The following ATF7IP variants were observed in gnomAD, a reference collection of about 807,000 sequenced individuals.
The protein encoded by ATF7IP is activating transcription factor 7 interacting protein.
ATF7IP carries 23 observed loss-of-function variants against 106.4 expected under a neutral mutation model. The ratio of observed to expected loss-of-function variants is 0.22; its 90% confidence interval spans 0.16 to 0.31. The LOEUF (loss-of-function observed/expected upper bound fraction) is 0.31, where lower values mean the gene tolerates loss of function less well. Ranked by LOEUF, ATF7IP falls within the 10% of genes least tolerant of loss-of-function variation. ATF7IP has a pLI of 1.00. For missense variants in ATF7IP, 1,334 were observed against 1,524.3 expected (o/e 0.88, Z 2.08); for synonymous variants, 542 against 539.0 (o/e 1.01, Z -0.08).
chr12:14,434,310 G>A (rs775917225), intron 2 of ATF7IP, 27 bp from the exon 3 acceptor site: 1 of 1,330,556 alleles, frequency 7.5e-7, no homozygotes, highest in Admixed American at 1.9e-5. Context: ...GTAGAAGTAA[G>A]ATTTTCTTTT....
At chr12:14,391,096 T>C (rs1939521871) in intron 1 of ATF7IP, among the ~76,000 whole-genome samples, 2 of 152,230 alleles carry the variant, frequency 1.3e-5, no homozygotes, top group Non-Finnish European at 2.9e-5. Context: ...AGAGAAAGCC[T>C]AATGTCTATT....
rs183687986 is a variant in ATF7IP, at chr12:14,501,399, T to C, written c.*3326T>C. 1 of 152,326 alleles carries C rather than the reference T, an allele frequency of 6.6e-6. No individual in the cohort carries two copies. The allele number at this position is 152,326 out of a possible 1,614,324, so 9.4% of individuals were successfully genotyped here. ...TGGTGATGTTTATTATTCTATACTTTGCATTCTGTGAGAGTAATTTTCACT... is the reference window on the plus strand; with the variant it reads ...TGGTGATGTTTATTATTCTATACTTCGCATTCTGTGAGAGTAATTTTCACT... On this transcript the variant is annotated 3_prime_UTR_variant, in exon 15 of 15. Transcript: ENST00000261168.
chr12:14,402,637 C>G (rs114107006), intron 1 of ATF7IP, among the ~76,000 whole-genome samples: 1,779 of 137,090 alleles, frequency 0.013, 46 homozygotes, highest in African/African-American at 0.046. Flanking sequence ...GAGACAAAGT[C>G]TCCCTCTGTC....
At chr12:14,443,253 A>G (rs2136649858) in intron 5 of ATF7IP, among the ~76,000 whole-genome samples, 2 of 152,354 alleles carry the variant, frequency 1.3e-5, no homozygotes, top group Middle Eastern at 6.8e-3. Flanking sequence ...AAGCTTTGCC[A>G]GATAATTCTG....
intron 12 of ATF7IP, among the ~76,000 whole-genome samples, chr12:14,480,017 G>A (rs1474861219): frequency 6.6e-6 from 1 of 152,038 alleles, no homozygotes; most frequent in Non-Finnish European, 1.5e-5. Context: ...AAAAATAAAT[G>A]TTCTTTCTTG....
chr12:14,370,902 ATT>A (rs533633885), intron 1 of ATF7IP, among the ~76,000 whole-genome samples: 22 of 144,776 alleles, frequency 1.5e-4, no homozygotes, highest in Admixed American at 1.4e-4. Context: ...AACACAGACA[ATT>A]TTTTTTTTTT....
chr12:14,496,512 T>G (rs1190688501), intron 14 of ATF7IP, among the ~76,000 whole-genome samples, 169 bp downstream of exon 14: 1 of 152,202 alleles, frequency 6.6e-6, no homozygotes, highest in Non-Finnish European at 1.5e-5. Flanking sequence ...AACACATAGT[T>G]CCTAGGGATG....
chr12:14,369,743 T>G, intron 1 of ATF7IP, among the ~76,000 whole-genome samples: 1 of 152,232 alleles, frequency 6.6e-6, no homozygotes, highest in Admixed American at 6.5e-5. Flanking sequence ...TTTGACATAT[T>G]GTGTGTTAAG....
At chr12:14,416,497 T>C (rs1162288406) in intron 1 of ATF7IP, among the ~76,000 whole-genome samples, 2 of 152,224 alleles carry the variant, frequency 1.3e-5, no homozygotes, top group African/African-American at 4.8e-5. Context: ...GTATACTTCA[T>C]CAGATATTCA....
intron 10 of ATF7IP, among the ~76,000 whole-genome samples, chr12:14,467,405 G>C (rs944591122): frequency 1.3e-5 from 2 of 152,104 alleles, no homozygotes; most frequent in African/African-American, 4.8e-5. Context: ...ATAGTTTATA[G>C]ATCAAATAAA....
intron 1 of ATF7IP, among the ~76,000 whole-genome samples, chr12:14,390,386 G>A (rs556927390): frequency 1.3e-5 from 2 of 152,276 alleles, no homozygotes; most frequent in South Asian, 2.1e-4. Context: ...ATAACAACAA[G>A]TAACGATTGA....
Position 14,470,051 on chromosome 12 carries a change from G to A in ATF7IP, c.2862+3461G>A, listed in dbSNP as rs78287600. Among the ~76,000 whole-genome samples the A allele has an allele frequency of 7.2e-5, 11 of 152,282 alleles. No homozygotes were observed. In the East Asian group the frequency reaches 2.1e-3, roughly 29 times the overall value. On this transcript the variant is annotated intron_variant, in intron 10 of 14. Transcript: ENST00000261168. ...TGTACATCATCAATCTTCATTCACT[G>A]TTCAGAGTGTATATAAGAGAATTAA...
chr12:14,407,159 G>A (rs1940636403), intron 1 of ATF7IP, among the ~76,000 whole-genome samples: 1 of 152,038 alleles, frequency 6.6e-6, no homozygotes, highest in Non-Finnish European at 1.5e-5. Flanking sequence ...AATTCATTTT[G>A]CATTTTGGAT....
intron 1 of ATF7IP, chr12:14,369,126 T>C (rs564888714): frequency 3.0e-4 from 46 of 151,652 alleles, no homozygotes; most frequent in African/African-American, 1.1e-3. Flanking sequence ...TTCTTTTTTT[T>C]TTTTTTTTAA....
chr12:14,455,603 G>A (rs1216057053), intron 6 of ATF7IP, among the ~76,000 whole-genome samples: 1 of 152,022 alleles, frequency 6.6e-6, no homozygotes, highest in East Asian at 1.9e-4. Flanking sequence ...GTTTGTTTTT[G>A]AGGCATGTTC....
chr12:14,466,578 T>TAGC lies in ATF7IP; in HGVS notation c.2852_2854dup (p.Ser951dup). The stretch of plus-strand genomic sequence containing the variant: ...CTTCTGTCAGTAAGAAAGCAGCTGA[T>TAGC]AGCACATCACAGGTAAGATTTTTCC... On this transcript the variant is annotated inframe_insertion, in exon 10 of 15. Transcript: ENST00000261168. 1 of 1,604,546 alleles carries TAGC rather than the reference T, an allele frequency of 6.2e-7. No homozygotes were observed. The highest frequency in any genetic ancestry group is 2.3e-5 in the East Asian group (1 of 44,430).
chr12:14,422,592 T>C (rs1941594113), intron 1 of ATF7IP, among the ~76,000 whole-genome samples: 1 of 152,198 alleles, frequency 6.6e-6, no homozygotes, highest in Non-Finnish European at 1.5e-5. Flanking sequence ...TAGTCACTGA[T>C]TTACTTTCTG....
At position 14,496,262 on chromosome 12, in the gene ATF7IP, A is replaced by G. The variant is rs61754409; in HGVS notation, c.3312A>G (p.Thr1104=). 122,193 of 1,613,010 alleles carry G rather than the reference A, an allele frequency of 0.076. 7,377 individuals are homozygous for G. The highest frequency in any genetic ancestry group is 0.31 in the Admixed American group (18,781 of 59,950). ...SVTVRVPQTT[T]YVVNNGLTLG... ...CAGTTCGAGTGCCTCAAACAACCAC[A>G]TATGTTGTAAACAATGGACTAACCC... The change falls in exon 14 of 15, where the codon ACA becomes ACG. Residue 1104 remains threonine, a synonymous_variant. Transcript: ENST00000261168.
intron 13 of ATF7IP, among the ~76,000 whole-genome samples, chr12:14,490,798 A>G (rs559371319): frequency 1.4e-4 from 22 of 152,108 alleles, no homozygotes; most frequent in African/African-American, 4.1e-4. Context: ...ACCTGCTCGA[A>G]CCCAATCACA....
Sources: gnomAD v4.1 joint callset for allele counts (sites outside exome capture counted in the v4.1 genomes callset) on GRCh38, gnomAD v4.1.1 for gene constraint, MANE v1.5 for transcripts, NCBI Gene and HGNC (gene_info 2026-07-23, HGNC 2026-07-21) for gene names.